The following TNFSF11 variants were observed in gnomAD, a reference collection of about 807,000 sequenced individuals.
The protein encoded by TNFSF11 is TNF superfamily member 11.
TNFSF11 carries 12 observed loss-of-function variants against 32.2 expected under a neutral mutation model. That is an observed-to-expected ratio of 0.37 (90% confidence interval 0.24 to 0.60). TNFSF11 has a LOEUF of 0.60. Among genes scored for constraint, TNFSF11 ranks in the 20% least tolerant of loss-of-function variants. The pLI, the probability that TNFSF11 is intolerant of heterozygous loss-of-function variation, is 0.66. For missense variants in TNFSF11, 345 were observed against 398.0 expected, an observed-to-expected ratio of 0.87 and a Z score of 1.13; for synonymous variants, 172 against 152.1, an observed-to-expected ratio of 1.13 and a Z score of -0.96.
At chr13:42,581,450 T>C (rs575462484) in intron 2 of TNFSF11, among the ~76,000 whole-genome samples, 157 bp downstream of exon 2, 1 of 152,322 alleles carries the variant, frequency 6.6e-6, no homozygotes, top group African/African-American at 2.4e-5. Flanking sequence ...CAGAATTATT[T>C]TGAAGTTGGT....
At chr13:42,581,901 C>A (rs9594783) in intron 2 of TNFSF11, among the ~76,000 whole-genome samples, 2 of 152,150 alleles carry the variant, frequency 1.3e-5, no homozygotes, top group Non-Finnish European at 2.9e-5. Context: ...TCTCTTACAC[C>A]GACAGCCCCA....
At chr13:42,568,939 G>A (rs1872960053) in intron 2 of TNFSF11, among the ~76,000 whole-genome samples, 1 of 152,182 alleles carries the variant, frequency 6.6e-6, no homozygotes, top group Non-Finnish European at 1.5e-5. Context: ...GTCCTGGCAG[G>A]AAATAGGTGG....
At chr13:42,581,411 A>G in intron 2 of TNFSF11, 118 bp downstream of exon 2, 2 of 1,165,890 alleles carry the variant, frequency 1.7e-6, no homozygotes, top group Non-Finnish European at 2.5e-6. Context: ...TTTGTAAAAG[A>G]GCTACAGGGA....
At chr13:42,572,869 G>T (rs114136214), upstream of TNFSF11, among the ~76,000 whole-genome samples, 581 of 152,260 alleles carry the variant, frequency 3.8e-3, 5 homozygotes, top group African/African-American at 0.012. Flanking sequence ...GGCAGAAAGA[G>T]GATGCAAAAT....
At chr13:42,597,824 C>T (rs1033225864) in intron 2 of TNFSF11, among the ~76,000 whole-genome samples, 6 of 152,118 alleles carry the variant, frequency 3.9e-5, no homozygotes, top group African/African-American at 1.4e-4. Context: ...AGGACAAAGG[C>T]ACTTTTCTTG....
chr13:42,576,009 A>G (rs1180273152), intron 1 of TNFSF11, among the ~76,000 whole-genome samples: 1 of 152,248 alleles, frequency 6.6e-6, no homozygotes, highest in Non-Finnish European at 1.5e-5. Context: ...TTTATTCAAC[A>G]GACAGTGTCC....
In TNFSF11 at chr13:42,578,196, G is replaced by T. The variant is rs549013156; in HGVS notation, c.220-2930G>T. On this transcript the variant is annotated intron_variant, in intron 1 of 4. Coordinates refer to ENST00000398795, the MANE Select transcript of TNFSF11 (RefSeq NM_003701.4). ...AATTATCAGATTAGTGGCTAAAATAGTATCATTTTTCAATCATGCAATCCT... is the reference window on the plus strand; with the variant it reads ...AATTATCAGATTAGTGGCTAAAATATTATCATTTTTCAATCATGCAATCCT... Among the ~76,000 whole-genome samples the T allele has an allele frequency of 2.6e-4, 39 of 152,332 alleles. 1 individual carries two copies. The highest frequency in any genetic ancestry group is 2.2e-3 in the Admixed American group (34 of 15,306).
chr13:42,598,176 T>A (rs1036308039), intron 2 of TNFSF11, among the ~76,000 whole-genome samples: 1 of 152,286 alleles, frequency 6.6e-6, no homozygotes, highest in South Asian at 2.1e-4. Context: ...TGTGTTTGTA[T>A]AGAAAATCAC....
rs907466430 is a variant in TNFSF11, at chr13:42,607,584, A to T, written c.*666A>T. 2.6e-5 allele frequency: 4 copies of T among 152,894 alleles called. No homozygotes were observed. In the East Asian group the frequency reaches 5.6e-4, roughly 22 times the overall value. The allele number at this position is 152,894 out of a possible 1,614,324, so 9.5% of individuals were successfully genotyped here. A position where few individuals can be genotyped will look rare whatever the true frequency, so the allele number is the denominator to read the frequency against. ...AACTTGCAGCTAAGGAGGGGAAAAAAATGTTGTTTCCTAATATCAAATGCA... is the reference window on the plus strand; with the variant it reads ...AACTTGCAGCTAAGGAGGGGAAAAATATGTTGTTTCCTAATATCAAATGCA... On this transcript the variant is annotated 3_prime_UTR_variant, in exon 5 of 5. Coordinates refer to ENST00000398795, the MANE Select transcript of TNFSF11 (RefSeq NM_003701.4).
chr13:42,590,686 C>T (rs1314206658), intron 2 of TNFSF11, among the ~76,000 whole-genome samples: 1 of 152,214 alleles, frequency 6.6e-6, no homozygotes, highest in Non-Finnish European at 1.5e-5. Context: ...TTTTAGATGA[C>T]ACTTTTTAAA....
At chr13:42,579,070 G>A (rs528354289) in intron 1 of TNFSF11, among the ~76,000 whole-genome samples, 19 of 152,234 alleles carry the variant, frequency 1.2e-4, no homozygotes, top group Non-Finnish European at 1.9e-4. Flanking sequence ...GGGAGCCCAC[G>A]ATGCTACTCA....
chr13:42,578,045 T>A (rs1442948847), intron 1 of TNFSF11, among the ~76,000 whole-genome samples: 1 of 152,262 alleles, frequency 6.6e-6, no homozygotes, highest in African/African-American at 2.4e-5. Flanking sequence ...AGACAGGGAC[T>A]GCTTGCTTTG....
At chr13:42,588,209 A>G (rs917228224) in intron 2 of TNFSF11, among the ~76,000 whole-genome samples, 2 of 152,248 alleles carry the variant, frequency 1.3e-5, no homozygotes, top group African/African-American at 2.4e-5. Flanking sequence ...TAAGACCCAC[A>G]GAGTTTTCCT....
chr13:42,574,617 C>T, intron 1 of TNFSF11, 95 bp downstream of exon 1: 3 of 1,408,404 alleles, frequency 2.1e-6, no homozygotes, highest in Admixed American at 3.9e-5. Flanking sequence ...CTGGGCCACC[C>T]AGAGCTTGCA....
intron 1 of TNFSF11, among the ~76,000 whole-genome samples, chr13:42,565,492 C>T (rs535973909): frequency 1.3e-5 from 2 of 152,094 alleles, no homozygotes; most frequent in African/African-American, 4.8e-5. Context: ...TCTCTTATGC[C>T]TACCATAGTA....
In TNFSF11 at chr13:42,565,192, G is replaced by T. The variant is rs1358621776; in HGVS notation, c.-301-1429G>T. Among the ~76,000 whole-genome samples, 3 of 150,092 alleles carry T rather than the reference G, an allele frequency of 2.0e-5. No homozygotes were observed. The East Asian group carries it at 5.9e-4, about 29-fold the overall frequency. ...TCCCTTTAGATTTTTTTCATTATCA[G>T]CTCATCGATAACTTTTAAAATATAT... On this transcript the variant is annotated intron_variant, in intron 1 of 6. Coordinates refer to the TNFSF11 transcript ENST00000358545.
chr13:42,564,126 A>AGAT (rs1254128553), intron 1 of TNFSF11, among the ~76,000 whole-genome samples: 2 of 151,906 alleles, frequency 1.3e-5, no homozygotes, highest in African/African-American at 4.8e-5. Context: ...GTTAATTATT[A>AGAT]ATTTTAGATA....
At chr13:42,593,495 G>C (rs1411554209) in intron 2 of TNFSF11, among the ~76,000 whole-genome samples, 1 of 152,146 alleles carries the variant, frequency 6.6e-6, no homozygotes, top group Non-Finnish European at 1.5e-5. Flanking sequence ...ATGAAAACTT[G>C]AAGGAAGGCA....
rs199503199 is a variant in TNFSF11 at position 42,606,719 on chromosome 13, C to T, written c.755C>T (p.Ser252Phe). The T allele has an allele frequency of 6.0e-5, 97 of 1,614,102 alleles. No homozygotes were observed. The highest frequency in any genetic ancestry group is 7.9e-5 in the Non-Finnish European group (93 of 1,180,048). The change falls in exon 5 of 5, where the codon TCT (serine) becomes TTT (phenylalanine). Residue 252 changes from serine (S) to phenylalanine (F), a missense_variant. Around this residue, in one of 2 missense-constraint regions of TNFSF11, gnomAD observed 148 missense variants for 216.0 expected, o/e 0.69. Transcript: ENST00000398795. The stretch of plus-strand genomic sequence containing the variant: ...AAAACCAGCATCAAAATCCCAAGTT[C>T]TCATACCCTGATGAAAGGAGGAAGC... ...VTKTSIKIPS[S>F]HTLMKGGSTK... is the part of the protein sequence containing the mutation.
Sources: gnomAD v4.1 joint callset for allele counts (sites outside exome capture counted in the v4.1 genomes callset) on GRCh38, gnomAD v4.1.1 for gene constraint, gnomAD v4.1.1 regional missense constraint, MANE v1.5 for transcripts, NCBI Gene and HGNC (gene_info 2026-07-23, HGNC 2026-07-21) for gene names.